Variants in HEMK2 observed in about 807,000 individuals in gnomAD.
HEMK2 encodes HemK methyltransferase 2, ETF1 glutamine and histone H4 lysine.
At chr21:28,622,289 T>G in the HEMK2 span, among the ~76,000 whole-genome samples, 1 of 152,136 alleles carries the variant, frequency 6.6e-6, no homozygotes, top group Non-Finnish European at 1.5e-5. Flanking sequence ...GAAGAAACTC[T>G]TCAAGGAGAA....
chr21:28,850,217 C>CTTTTTTTTTTTTTT, the HEMK2 span, among the ~76,000 whole-genome samples: 1 of 94,430 alleles, frequency 1.1e-5, no homozygotes, highest in Non-Finnish European at 1.9e-5. Flanking sequence ...ATTCAGCATT[C>CTTTTTTTTTTTTTT]TTTTTTTTTT....
the HEMK2 span, among the ~76,000 whole-genome samples, chr21:28,677,982 G>C: frequency 1.4e-5 from 2 of 146,692 alleles, no homozygotes; most frequent in Non-Finnish European, 3.0e-5. Flanking sequence ...CTAAAAATCA[G>C]AGCGCCTCTC....
the HEMK2 span, among the ~76,000 whole-genome samples, chr21:28,751,197 C>T: frequency 1.4e-4 from 21 of 146,810 alleles, no homozygotes; most frequent in Admixed American, 1.3e-3. Flanking sequence ...CGCCACTGCA[C>T]TCCAGCCTGG....
At chr21:28,789,594 T>A in the HEMK2 span, among the ~76,000 whole-genome samples, 1 of 152,216 alleles carries the variant, frequency 6.6e-6, no homozygotes, top group Non-Finnish European at 1.5e-5. Flanking sequence ...GGTAAATTCT[T>A]TCTAGAGTGG....
the HEMK2 span, among the ~76,000 whole-genome samples, chr21:28,795,544 T>C: frequency 6.6e-6 from 1 of 152,220 alleles, no homozygotes; most frequent in Admixed American, 6.5e-5. Context: ...TCATTCATAA[T>C]AAAGCACTCA....
the HEMK2 span, among the ~76,000 whole-genome samples, chr21:28,883,775 A>G: frequency 6.6e-6 from 1 of 152,124 alleles, no homozygotes. Flanking sequence ...GCTAGAGTGC[A>G]GTGGTGCCAT....
At chr21:28,759,838 G>A in the HEMK2 span, among the ~76,000 whole-genome samples, 4 of 152,118 alleles carry the variant, frequency 2.6e-5, no homozygotes, top group African/African-American at 9.7e-5. Flanking sequence ...GGCCTCCCCA[G>A]CCACGTGGAA....
At chr21:28,851,221 T>C in the HEMK2 span, among the ~76,000 whole-genome samples, 5 of 152,178 alleles carry the variant, frequency 3.3e-5, no homozygotes, top group Non-Finnish European at 5.9e-5. Flanking sequence ...GCTGCCACTG[T>C]GTTTCACCTA....
At chr21:28,630,394 A>G in the HEMK2 span, among the ~76,000 whole-genome samples, 2 of 152,320 alleles carry the variant, frequency 1.3e-5, no homozygotes, top group African/African-American at 4.8e-5. Context: ...ATCTAGAACT[A>G]GAAATACCAT....
chr21:28,799,948 AT>A, the HEMK2 span, among the ~76,000 whole-genome samples: 1 of 152,246 alleles, frequency 6.6e-6, no homozygotes, highest in South Asian at 2.1e-4. Context: ...CCAGATACCC[AT>A]TTTTTATGTC....
chr21:28,791,618 A>G, the HEMK2 span, among the ~76,000 whole-genome samples: 1 of 152,186 alleles, frequency 6.6e-6, no homozygotes, highest in Admixed American at 6.5e-5. Context: ...AGAAATCTCT[A>G]CTAGCATTTT....
At chr21:28,782,636 C>A in the HEMK2 span, among the ~76,000 whole-genome samples, 1 of 152,070 alleles carries the variant, frequency 6.6e-6, no homozygotes, top group Non-Finnish European at 1.5e-5. Context: ...ATATAAAGAA[C>A]CCATGAAAAG....
At chr21:28,691,915 A>G in the HEMK2 span, among the ~76,000 whole-genome samples, 84,568 of 152,008 alleles carry the variant, frequency 0.56, 26,187 homozygotes, top group East Asian at 0.84. Context: ...ACACAAACTA[A>G]CCAAAAAACT....
chr21:28,713,958 T>A, the HEMK2 span, among the ~76,000 whole-genome samples: 1 of 152,238 alleles, frequency 6.6e-6, no homozygotes, highest in African/African-American at 2.4e-5. Context: ...GACTCTTAAG[T>A]TACTTGTTCA....
chr21:28,765,259 G>T, the HEMK2 span, among the ~76,000 whole-genome samples: 3 of 152,068 alleles, frequency 2.0e-5, no homozygotes. Flanking sequence ...CCCCAATTGA[G>T]TTTCAGGTGA....
At chr21:28,867,977 G>T in the HEMK2 span, among the ~76,000 whole-genome samples, 1 of 152,062 alleles carries the variant, frequency 6.6e-6, no homozygotes, top group Non-Finnish European at 1.5e-5. Context: ...ATGGTGTGAG[G>T]TAAGAATCTA....
At chr21:28,595,742 G>A in the HEMK2 span, among the ~76,000 whole-genome samples, 1 of 151,120 alleles carries the variant, frequency 6.6e-6, no homozygotes, top group Non-Finnish European at 1.5e-5. Context: ...AGTTTTTTGA[G>A]AAACCTCCAA....
the HEMK2 span, among the ~76,000 whole-genome samples, chr21:28,736,848 G>A: frequency 6.6e-6 from 1 of 151,130 alleles, no homozygotes; most frequent in African/African-American, 2.4e-5. Flanking sequence ...AGTCACAACT[G>A]ATCCAGTTGG....
At chr21:28,649,106 G>A in the HEMK2 span, among the ~76,000 whole-genome samples, 2 of 152,014 alleles carry the variant, frequency 1.3e-5, no homozygotes, top group African/African-American at 4.8e-5. Context: ...CCCTACAAAG[G>A]ACATGACTGT....
Sources: gnomAD v4.1 joint callset for allele counts (sites outside exome capture counted in the v4.1 genomes callset) on GRCh38, gnomAD v4.1.1 for gene constraint, MANE v1.5 for transcripts, NCBI Gene and HGNC (gene_info 2026-07-23, HGNC 2026-07-21) for gene names.